The following VWA3A variants were observed in gnomAD, a reference collection of about 807,000 sequenced individuals.
VWA3A encodes the protein von Willebrand factor A domain containing 3A, also known as von Willebrand factor A domain-containing protein 3A.
In VWA3A, 134 loss-of-function variants were observed where a neutral mutation model predicts 160.4. That is an observed-to-expected ratio of 0.84 (90% confidence interval 0.73 to 0.96). The LOEUF is 0.96. Ranked by LOEUF, VWA3A falls within the 40% of genes least tolerant of loss-of-function variation. The probability of loss-of-function intolerance (pLI) is 0.00; values close to 1 mark genes in which losing one functional copy is unlikely to be tolerated. For synonymous variants in VWA3A, 476 were observed against 543.4 expected (o/e 0.88, Z 1.72); for missense variants, 1,310 against 1,447.9 (o/e 0.90, Z 1.55).
intron 6 of VWA3A, among the ~76,000 whole-genome samples, chr16:22,103,765 C>G (rs1373910386): frequency 6.6e-6 from 1 of 152,168 alleles, no homozygotes; most frequent in African/African-American, 2.4e-5. Flanking sequence ...CAGGACATCT[C>G]TCTTCAGGCA....
In VWA3A at chr16:22,147,989, C is replaced by G. The variant is rs144711187; in HGVS notation, c.2840-173C>G. Among the ~76,000 whole-genome samples the G allele has an allele frequency of 9.2e-3, 1,398 of 152,244 alleles. 20 individuals are homozygous for G. Among genetic ancestry groups the G allele is most frequent in the African/African-American group, 0.031 (1,269 of 41,530 alleles). On this transcript the variant is annotated intron_variant, in intron 27 of 33. Coordinates refer to ENST00000389398, the MANE Select transcript of VWA3A (RefSeq NM_173615.5). Reference sequence around the variant, plus strand: ...ACCAGGTCTGTCCTTGGACAATCGACCCCTCCCACAGCACCACAAAAGCCG... The same window carrying G: ...ACCAGGTCTGTCCTTGGACAATCGAGCCCTCCCACAGCACCACAAAAGCCG...
chr16:22,128,023 G>C (rs1228491467), intron 17 of VWA3A, among the ~76,000 whole-genome samples: 1 of 152,044 alleles, frequency 6.6e-6, no homozygotes, highest in Non-Finnish European at 1.5e-5. Flanking sequence ...AGGGAGAAAG[G>C]GTGTTCCAGG....
chr16:22,105,334 C>T (rs114104855), intron 6 of VWA3A, among the ~76,000 whole-genome samples: 2,384 of 152,268 alleles, frequency 0.016, 57 homozygotes, highest in African/African-American at 0.054. Context: ...CCCAGGGAAA[C>T]GATCACCTGT....
intron 23 of VWA3A, 88 bp from the exon 24 acceptor site, chr16:22,141,494 T>C (rs1012060080): frequency 8.0e-7 from 1 of 1,253,636 alleles, no homozygotes; most frequent in African/African-American, 1.5e-5. Context: ...GGAGTATAGC[T>C]GAACTTGAGT....
At chr16:22,100,357 A>T (rs1216244126) in intron 4 of VWA3A, 39 bp downstream of exon 4, 2 of 1,551,668 alleles carry the variant, frequency 1.3e-6, no homozygotes, top group East Asian at 4.9e-5. Context: ...CCACAGCTGC[A>T]GTGACACATG....
chr16:22,123,698 G>A lies in VWA3A; in HGVS notation c.1523G>A (p.Cys508Tyr). The A allele has an allele frequency of 6.2e-7, 1 of 1,612,578 alleles. No homozygotes were observed. Among genetic ancestry groups the A allele is most frequent in the Non-Finnish European group, 8.5e-7 (1 of 1,179,442 alleles). The change falls in exon 16 of 34, where the codon TGT (cysteine) becomes TAT (tyrosine). Residue 508 changes from cysteine to tyrosine, a missense_variant. By Grantham distance (194) the Cys-to-Tyr change is radical. Coordinates refer to ENST00000389398, the MANE Select transcript of VWA3A (RefSeq NM_173615.5). ...AGCAGAAGAATCTGGGGCACAGTCT[G>A]TGAAAAAAGGTACCTTTCTTAAGCA... is the stretch of plus-strand genomic sequence containing the variant. ...LASRRIWGTV[C>Y]EKRVVVLLDI...
intron 25 of VWA3A, 58 bp downstream of exon 25, chr16:22,142,823 C>A: frequency 2.3e-6 from 3 of 1,288,748 alleles, no homozygotes; most frequent in Non-Finnish European, 3.3e-6. Context: ...TTCTGTCCAC[C>A]AACCATTACT....
intron 27 of VWA3A, among the ~76,000 whole-genome samples, 164 bp downstream of exon 27, chr16:22,146,508 C>T (rs953724451): frequency 4.6e-5 from 7 of 151,982 alleles, no homozygotes; most frequent in Admixed American, 6.6e-5. Flanking sequence ...ACTGGGAGGC[C>T]GGGCGTGGTG....
chr16:22,144,586 TCCA>T, intron 26 of VWA3A, among the ~76,000 whole-genome samples: 1 of 151,972 alleles, frequency 6.6e-6, no homozygotes, highest in Non-Finnish European at 1.5e-5. Flanking sequence ...AAGATCCCAT[TCCA>T]GGGTTAGATG....
At chr16:22,094,962 C>T (rs34766199) in intron 1 of VWA3A, among the ~76,000 whole-genome samples, 12,384 of 145,446 alleles carry the variant, frequency 0.085, 721 homozygotes, top group South Asian at 0.25. Flanking sequence ...AGCAAGACTC[C>T]GTCTCAAAAA....
chr16:22,142,417 G>A (rs1314899715), intron 24 of VWA3A, among the ~76,000 whole-genome samples: 1 of 152,050 alleles, frequency 6.6e-6, no homozygotes, highest in Non-Finnish European at 1.5e-5. Context: ...GGAGAGAGAG[G>A]AAACAAGAAA....
chr16:22,122,771 A>G (rs1272296205), intron 14 of VWA3A, among the ~76,000 whole-genome samples: 1 of 152,172 alleles, frequency 6.6e-6, no homozygotes, highest in African/African-American at 2.4e-5. Context: ...CTCCAACCAT[A>G]TCTTCATGAC....
chr16:22,146,468 GC>G, intron 27 of VWA3A, 124 bp downstream of exon 27: 1 of 752,754 alleles, frequency 1.3e-6, no homozygotes, highest in Non-Finnish European at 2.1e-6. Flanking sequence ...AGAGGATTAG[GC>G]CAGGAACATC....
chr16:22,152,606 T>C lies in VWA3A; in HGVS notation c.3377T>C (p.Leu1126Pro), dbSNP rs1163778026. Residue 1126 changes from leucine (L) to proline (P), a missense_variant, in exon 31 of 34, where the codon CTG becomes CCG. By Grantham distance (98) the Leu-to-Pro change is moderately conservative. Coordinates refer to ENST00000389398, the MANE Select transcript of VWA3A (RefSeq NM_173615.5). ...GACACACTCTCCAAAATTCACAGCC[T>C]GCTGACCAAAGGCTTCATCAATGAA... Reference protein sequence around the residue: ...GEDTLSKIHSLLTKGFINEKD... With the variant: ...GEDTLSKIHSPLTKGFINEKD... The C allele has an allele frequency of 6.2e-7, 1 of 1,609,246 alleles. No individual in the cohort carries two copies. The highest frequency in any genetic ancestry group is 8.5e-7 in the Non-Finnish European group (1 of 1,177,780).
In VWA3A at chr16:22,102,095, C is replaced by T. The variant is rs201939856; in HGVS notation, c.429-1380C>T. On this transcript the variant is annotated intron_variant, in intron 5 of 33. Transcript: ENST00000389398. Reference sequence around the variant, plus strand: ...TTCAGCTGGGCACAAGTGGCTCACACCTGTAATCACTTTGGGAGGTCAAGG... The same window carrying T: ...TTCAGCTGGGCACAAGTGGCTCACATCTGTAATCACTTTGGGAGGTCAAGG... 4.6e-5 allele frequency among the ~76,000 whole-genome samples: 7 copies of T among 152,196 alleles called. No individual in the cohort carries two copies. The East Asian group carries it at 5.8e-4, about 13-fold the overall frequency.
chr16:22,144,143 A>T, intron 25 of VWA3A, 104 bp from the exon 26 acceptor site: 1 of 1,365,840 alleles, frequency 7.3e-7, no homozygotes. Flanking sequence ...CCACATTTCA[A>T]ACATCATACA....
chr16:22,111,731 C>T (rs983238728), intron 8 of VWA3A, among the ~76,000 whole-genome samples: 16 of 152,166 alleles, frequency 1.1e-4, no homozygotes, highest in Non-Finnish European at 5.9e-5. Flanking sequence ...GATCCACCCA[C>T]CTCAGCCTCC....
chr16:22,133,190 C>T (rs1450428147), intron 20 of VWA3A, 95 bp downstream of exon 20: 1 of 1,358,674 alleles, frequency 7.4e-7, no homozygotes, highest in Non-Finnish European at 1.0e-6. Flanking sequence ...TCCAGAAAAG[C>T]AGCTTGTGAA....
intron 13 of VWA3A, 78 bp downstream of exon 13, chr16:22,121,181 C>A (rs2045728678): frequency 1.3e-6 from 2 of 1,595,498 alleles, no homozygotes; most frequent in Non-Finnish European, 1.7e-6. Context: ...CACAGTGGCT[C>A]ACACCTGCAA....
Sources: allele counts gnomAD v4.1 joint callset (sites outside exome capture counted in the v4.1 genomes callset), GRCh38; gene constraint gnomAD v4.1.1; transcripts MANE v1.5; gene names NCBI Gene and HGNC (gene_info 2026-07-23, HGNC 2026-07-21).